Variants in TRAK1 observed in about 807,000 individuals in gnomAD.
The protein encoded by TRAK1 is trafficking kinesin protein 1, also known as trafficking kinesin-binding protein 1.
TRAK1 carries 33 observed loss-of-function variants against 92.1 expected under a neutral mutation model. The observed-to-expected ratio is 0.36, with a 90% CI of 0.27 to 0.48. The LOEUF is 0.48. Ranked by LOEUF, TRAK1 falls within the 20% of genes least tolerant of loss-of-function variation. The pLI is 0.99. For missense variants in TRAK1, 1,123 were observed against 1,257.9 expected (o/e 0.89, Z 1.62); for synonymous variants, 521 against 517.3 (o/e 1.01, Z -0.10).
chr3:42,196,082 C>T (rs974551282), intron 10 of TRAK1, among the ~76,000 whole-genome samples: 3 of 152,228 alleles, frequency 2.0e-5, no homozygotes, highest in African/African-American at 7.2e-5. Flanking sequence ...TTGAAATTTG[C>T]ATTTCAGTTT....
At chr3:42,139,217 G>A (rs1698364806) in intron 2 of TRAK1, among the ~76,000 whole-genome samples, 1 of 152,116 alleles carries the variant, frequency 6.6e-6, no homozygotes, top group Admixed American at 6.5e-5. Context: ...AAGCTCTGGG[G>A]CCATTTTGTT....
intron 14 of TRAK1, chr3:42,218,842 A>G: frequency 1.0e-6 from 1 of 985,402 alleles, no homozygotes; most frequent in Non-Finnish European, 1.2e-6. Flanking sequence ...GCTGTGTGTC[A>G]GACCAGACCT....
intron 1 of TRAK1, among the ~76,000 whole-genome samples, chr3:42,075,467 A>G: frequency 6.6e-6 from 1 of 151,272 alleles, no homozygotes; most frequent in Non-Finnish European, 1.5e-5. Flanking sequence ...TTATGTGTTT[A>G]TGGTAGAATG....
intron 1 of TRAK1, among the ~76,000 whole-genome samples, chr3:42,060,587 A>G (rs572139458): frequency 1.1e-4 from 16 of 148,510 alleles, no homozygotes; most frequent in Non-Finnish European, 1.9e-4. Flanking sequence ...ATGTTGTCAT[A>G]TTAATATCAC....
intron 1 of TRAK1, among the ~76,000 whole-genome samples, chr3:42,081,050 A>AT (rs1269516755): frequency 4.6e-5 from 7 of 151,702 alleles, no homozygotes; most frequent in Non-Finnish European, 8.8e-5. Flanking sequence ...AATTTTTTGT[A>AT]TTTTTTTGTA....
At chr3:42,219,409 C>T (rs993545487) in intron 14 of TRAK1, 85 bp from the exon 15 acceptor site, 34 of 1,607,142 alleles carry the variant, frequency 2.1e-5, no homozygotes, top group Non-Finnish European at 2.8e-5. Context: ...TCACTTCTTG[C>T]ATCTGTTGAG....
At chr3:42,107,191 G>C (rs1707680378) in intron 1 of TRAK1, among the ~76,000 whole-genome samples, 1 of 152,150 alleles carries the variant, frequency 6.6e-6, no homozygotes, top group Admixed American at 6.5e-5. Context: ...GGGTAGAAAT[G>C]TTTTTGGACA....
intron 12 of TRAK1, among the ~76,000 whole-genome samples, chr3:42,201,900 A>C (rs1429975217): frequency 6.7e-6 from 1 of 149,562 alleles, no homozygotes. Flanking sequence ...ACACACACAC[A>C]CACACACACA....
intron 1 of TRAK1, among the ~76,000 whole-genome samples, chr3:42,043,622 G>C (rs974102273): frequency 6.6e-6 from 1 of 151,984 alleles, no homozygotes; most frequent in Non-Finnish European, 1.5e-5. Context: ...AGCTGGGGGG[G>C]GGGCGGGGGG....
upstream of TRAK1, among the ~76,000 whole-genome samples, chr3:42,083,734 G>C (rs559303522): frequency 6.6e-6 from 1 of 152,088 alleles, no homozygotes; most frequent in Non-Finnish European, 1.5e-5. Flanking sequence ...AATTAGCCGG[G>C]TATGGTGGTG....
intron 12 of TRAK1, among the ~76,000 whole-genome samples, chr3:42,201,473 C>T (rs189898714): frequency 8.6e-4 from 129 of 150,248 alleles, no homozygotes; most frequent in Middle Eastern, 3.5e-3. Flanking sequence ...AAAAAAAAAG[C>T]GGACCTTACA....
At chr3:42,146,320 C>T (rs1699322467) in intron 2 of TRAK1, 1 of 304,866 alleles carries the variant, frequency 3.3e-6, no homozygotes, top group African/African-American at 2.2e-5. Flanking sequence ...GTTTTCCTGA[C>T]CTCAGTATTG....
chr3:42,023,670 T>C (rs1434361082), intron 1 of TRAK1, among the ~76,000 whole-genome samples: 4 of 151,680 alleles, frequency 2.6e-5, no homozygotes, highest in Non-Finnish European at 5.9e-5. Context: ...TGGACCACCA[T>C]TAATCAGTTG....
chr3:42,149,804 A>G (rs1699754171), intron 2 of TRAK1, among the ~76,000 whole-genome samples: 1 of 152,122 alleles, frequency 6.6e-6, no homozygotes, highest in African/African-American at 2.4e-5. Flanking sequence ...AGACTCCTGC[A>G]GTATGTATGA....
intron 1 of TRAK1, chr3:42,051,733 A>G (rs1187263535): frequency 6.6e-6 from 1 of 152,218 alleles, no homozygotes; most frequent in South Asian, 2.1e-4. Context: ...GCCCTTTGCT[A>G]CTTGCACTTG....
chr3:42,177,393 G>A (rs150904617), intron 3 of TRAK1, among the ~76,000 whole-genome samples: 770 of 152,230 alleles, frequency 5.1e-3, no homozygotes, highest in South Asian at 0.011. Context: ...TGAATTTCTC[G>A]GTATTCTGTT....
At chr3:42,186,616 C>T (rs1366426116) in intron 4 of TRAK1, among the ~76,000 whole-genome samples, 1 of 152,234 alleles carries the variant, frequency 6.6e-6, no homozygotes, top group Non-Finnish European at 1.5e-5. Context: ...CTCCTAGCCA[C>T]TTCTGAGCAG....
At chr3:42,021,889 A>G (rs1233522837) in intron 1 of TRAK1, among the ~76,000 whole-genome samples, 1 of 152,134 alleles carries the variant, frequency 6.6e-6, no homozygotes, top group Admixed American at 6.6e-5. Context: ...TACAGTTATT[A>G]AGAGGATTAT....
At chr3:42,095,766 G>T (rs949747613) in intron 1 of TRAK1, among the ~76,000 whole-genome samples, 7 of 151,936 alleles carry the variant, frequency 4.6e-5, no homozygotes, top group Admixed American at 1.3e-4. Context: ...AATTAAACCA[G>T]GCTGTGGTCT....
Sources: gnomAD v4.1 joint callset for allele counts (sites outside exome capture counted in the v4.1 genomes callset) on GRCh38, gnomAD v4.1.1 for gene constraint, MANE v1.5 for transcripts, NCBI Gene and HGNC (gene_info 2026-07-23, HGNC 2026-07-21) for gene names.